Variants in PRKD1 observed in about 807,000 individuals in gnomAD.
PRKD1 encodes protein kinase D1, also known as serine/threonine-protein kinase D1.
In PRKD1, 63 loss-of-function variants were observed where a neutral mutation model predicts 95.9. The ratio of observed to expected loss-of-function variants is 0.66; its 90% CI spans 0.54 to 0.81. The LOEUF (loss-of-function observed/expected upper bound fraction) is 0.81. Among genes scored for constraint, PRKD1 ranks in the 30% least tolerant of loss-of-function variants. PRKD1 has a pLI of 0.00. For synonymous variants in PRKD1, 425 were observed against 423.1 expected, an observed-to-expected ratio of 1.00 and a Z score of -0.05; for missense variants, 1,048 against 1,165.3, an observed-to-expected ratio of 0.90 and a Z score of 1.47.
chr14:29,843,360 C>T (rs1348686157), intron 1 of PRKD1, among the ~76,000 whole-genome samples: 1 of 152,116 alleles, frequency 6.6e-6, no homozygotes, highest in Non-Finnish European at 1.5e-5. Flanking sequence ...TTAAGTCACC[C>T]ATTCTGTGGG....
In PRKD1 at chr14:29,609,537, C is replaced by CACACAT. The variant is rs1364195981; in HGVS notation, c.1906-9721_1906-9720insATGTGT. On this transcript the variant is annotated intron_variant, in intron 13 of 17. Coordinates refer to ENST00000331968, the MANE Select transcript of PRKD1 (RefSeq NM_002742.3). The stretch of plus-strand genomic sequence containing the variant: ...ACACACACACACACACACACACACA[C>CACACAT]ATATATATATTTTAATTTTTTGAGA... Among the ~76,000 whole-genome samples, 22 of 142,828 alleles carry CACACAT rather than the reference C, an allele frequency of 1.5e-4. 1 individual carries two copies. Among genetic ancestry groups the CACACAT allele is most frequent in the South Asian group, 1.1e-3 (5 of 4,650 alleles). The allele number at this position is 142,828 out of a possible 152,430, so 93.7% of individuals were successfully genotyped here. A position where few individuals can be genotyped will look rare whatever the true frequency, so the allele number is the denominator to read the frequency against.
chr14:29,751,819 T>C lies in PRKD1; in HGVS notation c.265-26145A>G, dbSNP rs550498648. 4.6e-5 allele frequency among the ~76,000 whole-genome samples: 7 copies of C among 152,306 alleles called. No homozygotes were observed. In the South Asian group the frequency reaches 8.3e-4, roughly 18 times the overall value. Reference sequence around the variant, plus strand: ...AATGCGATATAAGCAAATATTCAAATAGAAGTTTGAAAAGCTCCACGGATT... The same window carrying C: ...AATGCGATATAAGCAAATATTCAAACAGAAGTTTGAAAAGCTCCACGGATT... On this transcript the variant is annotated intron_variant, in intron 1 of 17. Coordinates refer to ENST00000331968, the MANE Select transcript of PRKD1 (RefSeq NM_002742.3).
chr14:29,904,229 A>G (rs1029893115), intron 1 of PRKD1, among the ~76,000 whole-genome samples: 3 of 152,338 alleles, frequency 2.0e-5, no homozygotes, highest in African/African-American at 7.2e-5. Flanking sequence ...AAAGCACTGT[A>G]AAATGATTAA....
At chr14:29,727,545 T>G (rs1397279098) in intron 1 of PRKD1, among the ~76,000 whole-genome samples, 1 of 151,440 alleles carries the variant, frequency 6.6e-6, no homozygotes, top group Non-Finnish European at 1.5e-5. Flanking sequence ...GTTTAAGTCT[T>G]TAATCCATCT....
intron 1 of PRKD1, among the ~76,000 whole-genome samples, chr14:29,787,811 T>C (rs1889344131): frequency 1.3e-5 from 2 of 152,134 alleles, no homozygotes; most frequent in South Asian, 4.1e-4. Flanking sequence ...TATCTTTTAA[T>C]TGGGGAATTT....
intron 1 of PRKD1, among the ~76,000 whole-genome samples, chr14:29,767,276 C>T (rs1377429253): frequency 1.3e-5 from 2 of 152,130 alleles, no homozygotes; most frequent in Non-Finnish European, 2.9e-5. Flanking sequence ...CAGTTAATGT[C>T]ACCTAATTTA....
At chr14:29,678,885 T>G (rs2139260458) in intron 2 of PRKD1, among the ~76,000 whole-genome samples, 1 of 152,344 alleles carries the variant, frequency 6.6e-6, no homozygotes, top group African/African-American at 2.4e-5. Flanking sequence ...GCAGAAATAT[T>G]ATTAGAAATG....
chr14:29,826,700 C>CATATATATATATACAT (rs1555348496), intron 1 of PRKD1, among the ~76,000 whole-genome samples: 8 of 28,738 alleles, frequency 2.8e-4, no homozygotes, highest in African/African-American at 8.8e-4. Flanking sequence ...CATATATATA[C>CATATATATATATACAT]ATATATACAC....
At chr14:29,854,063 A>G (rs1396577754) in intron 1 of PRKD1, among the ~76,000 whole-genome samples, 1 of 152,252 alleles carries the variant, frequency 6.6e-6, no homozygotes, top group East Asian at 1.9e-4. Context: ...AGACTAATAC[A>G]GTAAATTGGT....
intron 1 of PRKD1, among the ~76,000 whole-genome samples, chr14:29,831,629 C>G (rs745702176): frequency 6.6e-6 from 1 of 151,920 alleles, no homozygotes; most frequent in Non-Finnish European, 1.5e-5. Context: ...CCACCACACC[C>G]AGCTAATTTT....
chr14:29,682,525 T>C (rs1300196348), intron 2 of PRKD1, among the ~76,000 whole-genome samples: 1 of 152,200 alleles, frequency 6.6e-6, no homozygotes, highest in East Asian at 1.9e-4. Flanking sequence ...ACTTCATCAA[T>C]ATCCCTTCCT....
At chr14:29,872,204 G>A (rs1594592301) in intron 1 of PRKD1, among the ~76,000 whole-genome samples, 1 of 152,164 alleles carries the variant, frequency 6.6e-6, no homozygotes, top group Admixed American at 6.5e-5. Flanking sequence ...GTTGTTTCAG[G>A]AGAGGAAATT....
intron 4 of PRKD1, among the ~76,000 whole-genome samples, chr14:29,648,505 T>C (rs1265507165): frequency 6.6e-6 from 1 of 152,192 alleles, no homozygotes; most frequent in East Asian, 1.9e-4. Flanking sequence ...TATTGAAAGA[T>C]GACAACCATT....
intron 4 of PRKD1, among the ~76,000 whole-genome samples, chr14:29,663,335 C>T (rs1882297345): frequency 6.6e-6 from 1 of 151,838 alleles, no homozygotes; most frequent in Non-Finnish European, 1.5e-5. Context: ...AATAAATATT[C>T]AGCCATGCCA....
intron 13 of PRKD1, among the ~76,000 whole-genome samples, chr14:29,616,243 C>A (rs1364584178): frequency 1.1e-3 from 37 of 33,962 alleles, no homozygotes; most frequent in Admixed American, 2.7e-3. Flanking sequence ...AGAGTATGGC[C>A]AAAAAAAAAA....
rs1009440995 is a variant in PRKD1 at position 29,753,068 on chromosome 14, AAG to A, written c.265-27396_265-27395del. The stretch of plus-strand genomic sequence containing the variant: ...ATAGAATTTTCAAAATATAGATAGA[AAG>A]GGGGAAAATGCAAATGGAAAAGCAA... On this transcript the variant is annotated intron_variant, in intron 1 of 17. Coordinates refer to ENST00000331968, the MANE Select transcript of PRKD1 (RefSeq NM_002742.3). 5.0e-4 allele frequency among the ~76,000 whole-genome samples: 74 copies of A among 148,106 alleles called. 1 individual carries two copies. The highest frequency in any genetic ancestry group is 1.9e-3 in the African/African-American group (72 of 37,874).
Position 29,763,289 on chromosome 14 carries a change from A to G in PRKD1, c.265-37615T>C, listed in dbSNP as rs7161700. On this transcript the variant is annotated intron_variant, in intron 1 of 17. Coordinates refer to ENST00000331968, the MANE Select transcript of PRKD1 (RefSeq NM_002742.3). ...TCCAACCTGGGTGACAGAGCAAGAT[A>G]CTGTCTCAAAAAAACAAAAAGCCAA... 3.4e-5 allele frequency among the ~76,000 whole-genome samples: 5 copies of G among 145,890 alleles called. No homozygotes were observed. The Admixed American group carries it at 3.4e-4, about 10-fold the overall frequency.
chr14:29,580,167 A>T (rs1892708109), intron 16 of PRKD1, among the ~76,000 whole-genome samples: 1 of 152,188 alleles, frequency 6.6e-6, no homozygotes, highest in African/African-American at 2.4e-5. Flanking sequence ...GGAGTACAGT[A>T]ACTCAACAAA....
chr14:29,874,013 T>C (rs917562773), intron 1 of PRKD1, among the ~76,000 whole-genome samples: 1 of 152,188 alleles, frequency 6.6e-6, no homozygotes, highest in African/African-American at 2.4e-5. Context: ...TGAAAATTTA[T>C]TTGCTAGAGT....
Sources: gnomAD v4.1 joint callset for allele counts (sites outside exome capture counted in the v4.1 genomes callset) on GRCh38, gnomAD v4.1.1 for gene constraint, MANE v1.5 for transcripts, NCBI Gene and HGNC (gene_info 2026-07-23, HGNC 2026-07-21) for gene names.